Variants in LIN28B observed in about 807,000 individuals in gnomAD.
LIN28B encodes lin-28 RNA binding posttranscriptional regulator B, also known as protein lin-28 homolog B.
In LIN28B, 5 loss-of-function variants were observed where a neutral mutation model predicts 21.9. The ratio of observed to expected loss-of-function variants is 0.23; its 90% CI spans 0.12 to 0.48. The LOEUF is 0.48. Among genes scored for constraint, LIN28B ranks in the 20% least tolerant of loss-of-function variants. The pLI, the probability that LIN28B is intolerant of heterozygous loss-of-function variation, is 0.98. For synonymous variants in LIN28B, 109 were observed against 111.3 expected (o/e 0.98, Z 0.13); for missense variants, 245 against 310.5 (o/e 0.79, Z 1.58).
In LIN28B at chr6:104,967,417, TAA is replaced by T. The variant is rs1165941216; in HGVS notation, c.198+9135_198+9136del. ...CAACATGGTAAAACCCTGTCTCTCC[TAA>T]AAATACAAAAAATTAGACAGGCCTG... On this transcript the variant is annotated intron_variant, in intron 2 of 3. Coordinates refer to ENST00000345080, the MANE Select transcript of LIN28B (RefSeq NM_001004317.4). 3.3e-5 allele frequency among the ~76,000 whole-genome samples: 5 copies of T among 151,278 alleles called. No individual in the cohort carries two copies. In the East Asian group the frequency reaches 9.8e-4, roughly 30 times the overall value.
intron 3 of LIN28B, among the ~76,000 whole-genome samples, chr6:105,042,557 GTAAGA>G (rs1562103291): frequency 6.6e-6 from 1 of 151,490 alleles, no homozygotes; most frequent in African/African-American, 2.4e-5. Flanking sequence ...GCTTTCTTTT[GTAAGA>G]TCATTATTTT....
intron 3 of LIN28B, among the ~76,000 whole-genome samples, chr6:105,045,862 C>G (rs1279577375): frequency 6.6e-6 from 1 of 152,128 alleles, no homozygotes; most frequent in Non-Finnish European, 1.5e-5. Flanking sequence ...TTTACCATGA[C>G]TCTCCAAGTG....
At chr6:105,066,144 G>A (rs1422740926) in intron 3 of LIN28B, among the ~76,000 whole-genome samples, 2 of 152,216 alleles carry the variant, frequency 1.3e-5, no homozygotes, top group African/African-American at 4.8e-5. Flanking sequence ...TTGCACTCCA[G>A]TCTGGGTGAC....
intron 3 of LIN28B, among the ~76,000 whole-genome samples, chr6:105,035,576 A>C (rs1771505517): frequency 6.6e-6 from 1 of 152,208 alleles, no homozygotes; most frequent in South Asian, 2.1e-4. Flanking sequence ...AAGTCATCAA[A>C]TAGTTTGCTT....
intron 3 of LIN28B, among the ~76,000 whole-genome samples, chr6:105,050,193 C>G (rs1016550639): frequency 2.0e-5 from 3 of 152,098 alleles, no homozygotes; most frequent in Admixed American, 2.0e-4. Flanking sequence ...TCAGGGCAGG[C>G]CTGGTGGTGA....
chr6:105,073,416 T>TC (rs1470138201), intron 3 of LIN28B, among the ~76,000 whole-genome samples: 1 of 152,176 alleles, frequency 6.6e-6, no homozygotes, highest in Non-Finnish European at 1.5e-5. Context: ...AGTCCGTTTT[T>TC]CCCAGGAATT....
chr6:104,992,505 TG>T (rs1562084899), intron 2 of LIN28B, among the ~76,000 whole-genome samples: 21 of 112,800 alleles, frequency 1.9e-4, no homozygotes, highest in African/African-American at 3.2e-4. Flanking sequence ...TGTGTGTGTG[TG>T]TGTGTGTGTT....
chr6:104,945,832 T>A (rs1022573770), intron 2 of LIN28B, among the ~76,000 whole-genome samples: 1 of 152,124 alleles, frequency 6.6e-6, no homozygotes, highest in Non-Finnish European at 1.5e-5. Flanking sequence ...TGCCATAATA[T>A]TGCCTTTAAA....
At chr6:104,958,823 G>A (rs1156915960) in intron 2 of LIN28B, among the ~76,000 whole-genome samples, 1 of 152,142 alleles carries the variant, frequency 6.6e-6, no homozygotes, top group East Asian at 1.9e-4. Context: ...AAATAAAATA[G>A]AACACTGTTG....
chr6:105,025,309 A>G (rs1345997827), intron 2 of LIN28B, among the ~76,000 whole-genome samples: 1 of 152,208 alleles, frequency 6.6e-6, no homozygotes, highest in African/African-American at 2.4e-5. Flanking sequence ...GAAAAAATAA[A>G]TAAAACTACT....
chr6:105,047,417 A>G (rs557168679), intron 3 of LIN28B, among the ~76,000 whole-genome samples: 1 of 152,214 alleles, frequency 6.6e-6, no homozygotes, highest in Admixed American at 6.5e-5. Context: ...TTTGATTACT[A>G]TAGCCTTGTA....
chr6:105,015,349 T>C (rs1014972398), intron 2 of LIN28B, among the ~76,000 whole-genome samples: 1 of 152,186 alleles, frequency 6.6e-6, no homozygotes, highest in Non-Finnish European at 1.5e-5. Flanking sequence ...AGCTGTAGCC[T>C]TATTATTGTT....
chr6:105,014,236 C>T (rs890523491), intron 2 of LIN28B, among the ~76,000 whole-genome samples: 2 of 152,132 alleles, frequency 1.3e-5, no homozygotes, highest in Admixed American at 1.3e-4. Context: ...CAGCTTCAAC[C>T]TCTTAGGCTC....
intron 2 of LIN28B, among the ~76,000 whole-genome samples, chr6:105,002,348 ACTAT>A (rs1420361524): frequency 1.3e-5 from 2 of 152,100 alleles, no homozygotes; most frequent in East Asian, 1.9e-4. Context: ...TCTCATAATC[ACTAT>A]CTATGATAAT....
chr6:105,061,539 G>T (rs1772121710), intron 3 of LIN28B, among the ~76,000 whole-genome samples: 1 of 134,940 alleles, frequency 7.4e-6, no homozygotes, highest in Non-Finnish European at 1.5e-5. Flanking sequence ...AGTTCATGAG[G>T]GCTTCAATTC....
chr6:105,082,461 T>C lies in LIN28B; in HGVS notation c.*3678T>C, dbSNP rs1772558945. 6.6e-6 allele frequency: 1 copy of C among 152,668 alleles called. No homozygotes were observed. The highest frequency in any genetic ancestry group is 6.5e-5 in the Admixed American group (1 of 15,280). The allele number at this position is 152,668 out of a possible 1,614,324, so 9.5% of individuals were successfully genotyped here. On this transcript the variant is annotated 3_prime_UTR_variant, in exon 4 of 4. Coordinates refer to ENST00000345080, the MANE Select transcript of LIN28B (RefSeq NM_001004317.4). The stretch of plus-strand genomic sequence containing the variant: ...AAATCTCATTAAGTCTTAAAGTTAA[T>C]TTAAATTAATTTATCTGTTTTCTCT...
At chr6:104,999,688 C>G (rs1215873979) in intron 2 of LIN28B, among the ~76,000 whole-genome samples, 1 of 150,852 alleles carries the variant, frequency 6.6e-6, no homozygotes, top group Non-Finnish European at 1.5e-5. Context: ...AAAGGAAGTT[C>G]TTTTTTTTTG....
At chr6:104,960,404 A>T (rs1769709030) in intron 2 of LIN28B, among the ~76,000 whole-genome samples, 1 of 152,078 alleles carries the variant, frequency 6.6e-6, no homozygotes, top group African/African-American at 2.4e-5. Flanking sequence ...AAACATTTTT[A>T]TTATTATTTT....
chr6:105,012,119 CT>C (rs1163530193), intron 2 of LIN28B, among the ~76,000 whole-genome samples: 2 of 151,712 alleles, frequency 1.3e-5, no homozygotes, highest in African/African-American at 4.8e-5. Context: ...GATTGCGCCA[CT>C]GCACTTCAGC....
Sources: allele counts gnomAD v4.1 joint callset (sites outside exome capture counted in the v4.1 genomes callset), GRCh38; gene constraint gnomAD v4.1.1; transcripts MANE v1.5; gene names NCBI Gene and HGNC (gene_info 2026-07-23, HGNC 2026-07-21).